Variants in MCCC2 observed in about 807,000 individuals in gnomAD.
MCCC2 encodes methylcrotonoyl-CoA carboxylase beta chain, mitochondrial.
In MCCC2, 52 loss-of-function variants were observed where a neutral mutation model predicts 77.2. That is an observed-to-expected ratio of 0.67 (90% CI 0.54 to 0.85). MCCC2 has a LOEUF of 0.85. Among genes scored for constraint, MCCC2 ranks in the 40% least tolerant of loss-of-function variants. The pLI is 0.00. For synonymous variants in MCCC2, 253 were observed against 248.4 expected, an observed-to-expected ratio of 1.02 and a Z score of -0.18; for missense variants, 682 against 703.2, an observed-to-expected ratio of 0.97 and a Z score of 0.34.
chr5:71,652,528 C>A, intron 15 of MCCC2, 141 bp from the exon 16 acceptor site: 3 of 732,542 alleles, frequency 4.1e-6, no homozygotes, highest in Non-Finnish European at 7.3e-6. Context: ...TTAATGATCA[C>A]TTGTAATTTA....
intron 13 of MCCC2, among the ~76,000 whole-genome samples, chr5:71,648,198 T>C (rs533310144): frequency 6.6e-6 from 1 of 152,194 alleles, no homozygotes; most frequent in East Asian, 1.9e-4. Context: ...ATACTGGAGT[T>C]TGGCAAACCA....
intron 6 of MCCC2, among the ~76,000 whole-genome samples, chr5:71,611,916 G>C (rs1386544644): frequency 2.0e-5 from 3 of 151,584 alleles, no homozygotes; most frequent in African/African-American, 7.3e-5. Context: ...AGCCTCCTGA[G>C]TAGCTGGGAC....
At chr5:71,609,222 G>T (rs981060476) in intron 6 of MCCC2, among the ~76,000 whole-genome samples, 1 of 149,802 alleles carries the variant, frequency 6.7e-6, no homozygotes, top group African/African-American at 2.4e-5. Context: ...ACGTAGATTT[G>T]GTCTTTTCAC....
chr5:71,633,137 A>ATATT (rs1746800422), intron 8 of MCCC2, among the ~76,000 whole-genome samples: 21 of 68,104 alleles, frequency 3.1e-4, no homozygotes, highest in African/African-American at 1.1e-3. Context: ...ATATATTTTT[A>ATATT]TTTTTTGTAG....
intron 3 of MCCC2, among the ~76,000 whole-genome samples, chr5:71,599,183 A>G (rs1745323540): frequency 6.6e-6 from 1 of 152,054 alleles, no homozygotes; most frequent in African/African-American, 2.4e-5. Context: ...AGCCTGGCCA[A>G]CATGGTGAAA....
intron 11 of MCCC2, 96 bp from the exon 12 acceptor site, chr5:71,643,723 T>A: frequency 6.2e-7 from 1 of 1,610,222 alleles, no homozygotes; most frequent in Non-Finnish European, 8.5e-7. Context: ...TAAACTTGGA[T>A]CTGATATTAA....
intron 10 of MCCC2, among the ~76,000 whole-genome samples, chr5:71,640,012 A>G (rs955646414): frequency 7.9e-5 from 12 of 152,242 alleles, no homozygotes; most frequent in African/African-American, 2.9e-4. Flanking sequence ...GAAAAATAGT[A>G]TGTATCATCT....
Position 71,656,914 on chromosome 5 carries a change from T to C in MCCC2, c.*54T>C. On this transcript the variant is annotated 3_prime_UTR_variant, in exon 17 of 17. Transcript: ENST00000340941. ...ATGTACTGAAAATTAACACATGTAG[T>C]AGCCTTAAAATTTTAGACTTCTCGA... 1 of 1,379,064 alleles carries C rather than the reference T, an allele frequency of 7.3e-7. No homozygotes were observed. The highest frequency in any genetic ancestry group is 1.0e-6 in the Non-Finnish European group (1 of 966,792). 85.4% of individuals were successfully genotyped at this position (1,379,064 alleles called of 1,614,324 possible). A position where few individuals can be genotyped will look rare whatever the true frequency, so the allele number is the denominator to read the frequency against.
Position 71,650,144 on chromosome 5 carries a change from C to T in MCCC2, c.1449C>T (p.Ala483=), listed in dbSNP as rs1049308310. The change falls in exon 15 of 17, where the codon GCC becomes GCT. Residue 483 remains alanine (A), a synonymous_variant. Transcript: ENST00000340941. ...GAGAGCAGGCAGCCAATGTGTTGGC[C>T]ACGATAACAAAGGACCAAAGAGCCC... ...MGGEQAANVL[A]TITKDQRARE... is the part of the protein sequence containing the mutation. 1.4e-5 allele frequency: 23 copies of T among 1,613,978 alleles called. No homozygotes were observed. The highest frequency in any genetic ancestry group is 1.8e-5 in the Non-Finnish European group (21 of 1,179,980).
At chr5:71,602,838 T>A (rs899319266) in intron 5 of MCCC2, 1 of 679,768 alleles carries the variant, frequency 1.5e-6, no homozygotes, top group African/African-American at 1.8e-5. Context: ...ATAATACTCA[T>A]ACATTTTGAC....
At chr5:71,631,324 A>T (rs1429696030) in intron 7 of MCCC2, among the ~76,000 whole-genome samples, 1 of 152,118 alleles carries the variant, frequency 6.6e-6, no homozygotes, top group East Asian at 1.9e-4. Flanking sequence ...GCAGTCCTCT[A>T]TTAATACCAT....
intron 7 of MCCC2, among the ~76,000 whole-genome samples, chr5:71,627,305 G>A (rs1449384077): frequency 6.6e-6 from 1 of 152,190 alleles, no homozygotes; most frequent in Non-Finnish European, 1.5e-5. Flanking sequence ...ATGAACATGG[G>A]TGTACAAATT....
At chr5:71,631,627 G>A (rs544715222) in intron 7 of MCCC2, among the ~76,000 whole-genome samples, 12 of 147,178 alleles carry the variant, frequency 8.2e-5, no homozygotes, top group South Asian at 4.3e-4. Context: ...TGCAAGCTCC[G>A]CTTCCCGGGT....
chr5:71,589,185 T>C (rs542464232), intron 1 of MCCC2, among the ~76,000 whole-genome samples: 41 of 152,308 alleles, frequency 2.7e-4, no homozygotes, highest in African/African-American at 9.4e-4. Context: ...ACTTTGGAGT[T>C]TCCAACTGGG....
At chr5:71,602,729 A>G in intron 5 of MCCC2, 96 bp downstream of exon 5, 1 of 1,546,298 alleles carries the variant, frequency 6.5e-7, no homozygotes, top group Admixed American at 1.7e-5. Flanking sequence ...TGGGTATTTT[A>G]TAAACCTGTT....
intron 13 of MCCC2, among the ~76,000 whole-genome samples, chr5:71,647,483 G>T (rs1010125364): frequency 1.3e-5 from 2 of 152,164 alleles, no homozygotes; most frequent in African/African-American, 4.8e-5. Flanking sequence ...ATGATTCCTG[G>T]ATTGTTAACC....
intron 10 of MCCC2, among the ~76,000 whole-genome samples, chr5:71,637,323 A>G (rs1055419221): frequency 1.3e-5 from 2 of 152,256 alleles, no homozygotes; most frequent in Non-Finnish European, 2.9e-5. Context: ...GTTCCAGATC[A>G]CTGCAATAAA....
intron 7 of MCCC2, among the ~76,000 whole-genome samples, chr5:71,629,995 AT>A (rs1166735049): frequency 6.6e-6 from 1 of 152,148 alleles, no homozygotes; most frequent in East Asian, 1.9e-4. Flanking sequence ...TAGAGAGAAG[AT>A]TTTGTCTAAG....
intron 2 of MCCC2, among the ~76,000 whole-genome samples, 200 bp from the exon 3 acceptor site, chr5:71,596,079 AT>A (rs6149065): frequency 2.0e-5 from 3 of 151,522 alleles, no homozygotes; most frequent in Non-Finnish European, 2.9e-5. Context: ...GGATAGATTG[AT>A]TTTTTTTTAA....
Sources: allele counts gnomAD v4.1 joint callset (sites outside exome capture counted in the v4.1 genomes callset), GRCh38; gene constraint gnomAD v4.1.1; transcripts MANE v1.5; gene names NCBI Gene and HGNC (gene_info 2026-07-23, HGNC 2026-07-21).